CACNA2D3: variants seen among roughly 807,000 people sequenced by gnomAD.
The protein encoded by CACNA2D3 is voltage-dependent calcium channel subunit alpha-2/delta-3.
Under a neutral mutation model 160.6 loss-of-function variants are expected in CACNA2D3, and 60 were observed. That is an observed-to-expected ratio of 0.37 (90% CI 0.30 to 0.46). The LOEUF is 0.46. Among genes scored for constraint, CACNA2D3 ranks in the 20% least tolerant of loss-of-function variants. The pLI, the probability that CACNA2D3 is intolerant of heterozygous loss-of-function variation, is 1.00. For synonymous variants in CACNA2D3, 558 were observed against 492.9 expected (o/e 1.13, Z -1.75); for missense variants, 1,205 against 1,365.0 (o/e 0.88, Z 1.85).
intron 13 of CACNA2D3, among the ~76,000 whole-genome samples, chr3:54,793,574 C>T (rs1015504395): frequency 1.3e-5 from 2 of 151,700 alleles, no homozygotes; most frequent in Non-Finnish European, 2.9e-5. Context: ...GAGCAGCAAC[C>T]ACTCTTGGTG....
At chr3:54,471,678 A>G (rs1455844894) in intron 4 of CACNA2D3, among the ~76,000 whole-genome samples, 2 of 152,180 alleles carry the variant, frequency 1.3e-5, no homozygotes, top group Non-Finnish European at 2.9e-5. Context: ...AAGAAAAGAG[A>G]GAAGAATCGA....
intron 2 of CACNA2D3, among the ~76,000 whole-genome samples, chr3:54,210,650 G>A (rs1701356359): frequency 6.6e-6 from 1 of 152,152 alleles, no homozygotes; most frequent in African/African-American, 2.4e-5. Context: ...ATGTCCTGGA[G>A]GGAAGTGTCC....
At position 54,204,279 on chromosome 3, in the gene CACNA2D3, A is replaced by G. The variant is rs78841824; in HGVS notation, c.204+80685A>G. 2.4e-3 allele frequency among the ~76,000 whole-genome samples: 369 copies of G among 152,248 alleles called. 1 individual carries two copies. Among genetic ancestry groups the G allele is most frequent in the African/African-American group, 8.0e-3 (331 of 41,548 alleles). On this transcript the variant is annotated intron_variant, in intron 2 of 37. Coordinates refer to ENST00000474759, the MANE Select transcript of CACNA2D3 (RefSeq NM_018398.3). ...CCTCATAATAAATCTCCATATATAT[A>G]TACACATACACATTCACATATGTAT...
intron 2 of CACNA2D3, among the ~76,000 whole-genome samples, chr3:54,286,992 A>T (rs1417053910): frequency 6.6e-6 from 1 of 152,228 alleles, no homozygotes; most frequent in Non-Finnish European, 1.5e-5. Context: ...TGAAAAGACC[A>T]TCAAGGCTAG....
chr3:55,012,619 C>G (rs1559463366), intron 34 of CACNA2D3, among the ~76,000 whole-genome samples: 1 of 152,082 alleles, frequency 6.6e-6, no homozygotes, highest in Non-Finnish European at 1.5e-5. Context: ...GGCAGTTTTG[C>G]CTCCCAGGGG....
chr3:54,589,367 C>G (rs1468017027), intron 9 of CACNA2D3, among the ~76,000 whole-genome samples: 1 of 151,870 alleles, frequency 6.6e-6, no homozygotes, highest in South Asian at 2.1e-4. Context: ...TCAAACCTCA[C>G]AACTGAAACA....
intron 13 of CACNA2D3, among the ~76,000 whole-genome samples, chr3:54,774,270 A>T (rs186589228): frequency 6.6e-6 from 1 of 152,296 alleles, no homozygotes; most frequent in African/African-American, 2.4e-5. Flanking sequence ...TAACGAAAAG[A>T]GGTTTAATTG....
At chr3:54,204,796 G>GAA (rs57129457) in intron 2 of CACNA2D3, among the ~76,000 whole-genome samples, 18 of 74,048 alleles carry the variant, frequency 2.4e-4, no homozygotes, top group Admixed American at 5.5e-4. Context: ...ATGCTGTCTT[G>GAA]AAAAAAAAAA....
chr3:54,941,243 G>T (rs1322764395), intron 27 of CACNA2D3, among the ~76,000 whole-genome samples: 1 of 152,064 alleles, frequency 6.6e-6, no homozygotes, highest in Non-Finnish European at 1.5e-5. Context: ...AAAAAACAGG[G>T]GCATATAGTG....
intron 16 of CACNA2D3, among the ~76,000 whole-genome samples, chr3:54,839,345 A>C (rs1188993685): frequency 1.3e-5 from 2 of 152,178 alleles, no homozygotes; most frequent in Non-Finnish European, 2.9e-5. Flanking sequence ...TTGGAAAAAC[A>C]AATCAAAAAG....
chr3:55,007,814 G>A lies in CACNA2D3; in HGVS notation c.2791G>A (p.Val931Ile), dbSNP rs866461929. ...GCCTTATAATGCCTTCCTCTCTGCA[G>A]TAAAATGGATCATGACAGAACTTGT... ...LDPYNAFLSA[V>I]KWIMTELVLF... Residue 931 changes from valine (V) to isoleucine (I), a missense_variant, in exon 33 of 38, where the codon GTA becomes ATA. Physicochemically the swap from Val to Ile is conservative, Grantham distance 29. Transcript: ENST00000474759. The A allele has an allele frequency of 2.6e-6, 4 of 1,563,482 alleles. No individual in the cohort carries two copies. The highest frequency in any genetic ancestry group is 2.5e-5 in the South Asian group (2 of 81,578).
intron 9 of CACNA2D3, among the ~76,000 whole-genome samples, chr3:54,624,191 G>A (rs533950168): frequency 2.0e-5 from 3 of 152,280 alleles, no homozygotes; most frequent in Admixed American, 6.5e-5. Context: ...TTATAAAAGC[G>A]AATTAAAGGG....
chr3:54,336,253 G>A (rs117702476), intron 3 of CACNA2D3, among the ~76,000 whole-genome samples: 1,772 of 152,304 alleles, frequency 0.012, 28 homozygotes, highest in South Asian at 0.044. Context: ...ACAAGGAGAG[G>A]AAAGTGAAGG....
At chr3:54,959,696 G>T (rs892488440) in intron 27 of CACNA2D3, among the ~76,000 whole-genome samples, 2 of 152,152 alleles carry the variant, frequency 1.3e-5, no homozygotes, top group Non-Finnish European at 2.9e-5. Context: ...ATACAATGAA[G>T]CCCGAGGCTT....
chr3:54,949,606 T>C (rs1701704492), intron 27 of CACNA2D3, among the ~76,000 whole-genome samples: 1 of 152,164 alleles, frequency 6.6e-6, no homozygotes, highest in Admixed American at 6.5e-5. Context: ...TCAGGGCACA[T>C]TATCAACATT....
rs372442271 is a variant in CACNA2D3 at position 54,571,317 on chromosome 3, A to G, written c.888+1213A>G. On this transcript the variant is annotated intron_variant, in intron 8 of 37. Coordinates refer to ENST00000474759, the MANE Select transcript of CACNA2D3 (RefSeq NM_018398.3). ...AGACTTAAAGTCTGTGTTGATGTTC[A>G]TGCCGGAGAGGTGTAAGGAGGCATG... Among the ~76,000 whole-genome samples, 69 of 152,258 alleles carry G rather than the reference A, an allele frequency of 4.5e-4. 1 individual carries two copies. Among genetic ancestry groups the G allele is most frequent in the East Asian group, 3.5e-3 (18 of 5,162 alleles).
At chr3:54,818,139 C>G (rs1320788184) in intron 14 of CACNA2D3, among the ~76,000 whole-genome samples, 1 of 152,156 alleles carries the variant, frequency 6.6e-6, no homozygotes, top group Non-Finnish European at 1.5e-5. Context: ...CAAAGTATTC[C>G]TGTTACAGAA....
intron 2 of CACNA2D3, among the ~76,000 whole-genome samples, chr3:54,192,794 T>C (rs929495906): frequency 6.6e-6 from 1 of 152,148 alleles, no homozygotes; most frequent in African/African-American, 2.4e-5. Flanking sequence ...GGGTTACTAA[T>C]GGCACTGCAG....
At chr3:54,695,947 G>A (rs904866014) in intron 11 of CACNA2D3, among the ~76,000 whole-genome samples, 3 of 152,194 alleles carry the variant, frequency 2.0e-5, no homozygotes, top group East Asian at 1.9e-4. Flanking sequence ...TGGCTTTTGC[G>A]TTGACTACTG....
Sources: gnomAD v4.1 joint callset for allele counts (sites outside exome capture counted in the v4.1 genomes callset) on GRCh38, gnomAD v4.1.1 for gene constraint, MANE v1.5 for transcripts, NCBI Gene and HGNC (gene_info 2026-07-23, HGNC 2026-07-21) for gene names.